CSMD1: variants seen among roughly 807,000 people sequenced by gnomAD.
CSMD1 encodes the protein CUB and sushi domain-containing protein 1.
A neutral mutation model predicts 417.5 loss-of-function variants in CSMD1; 213 were observed. The ratio of observed to expected loss-of-function variants is 0.51; its 90% CI spans 0.46 to 0.57. CSMD1 has a LOEUF of 0.57. Ranked by LOEUF, CSMD1 falls within the 20% of genes least tolerant of loss-of-function variation. The probability of loss-of-function intolerance (pLI) is 0.00; values close to 1 mark genes in which losing one functional copy is unlikely to be tolerated. For synonymous variants in CSMD1, 2,862 were observed against 1,736.8 expected (o/e 1.65, Z -16.11); for missense variants, 6,923 against 4,529.7 (o/e 1.53, Z -15.17).
At chr8:4,652,025 T>C (rs1803927663) in intron 1 of CSMD1, among the ~76,000 whole-genome samples, 2 of 152,226 alleles carry the variant, frequency 1.3e-5, no homozygotes, top group East Asian at 1.9e-4. Flanking sequence ...GTCTCAGCTT[T>C]CCTCTAAGAT....
chr8:3,171,986 C>G (rs1820608796), intron 37 of CSMD1, among the ~76,000 whole-genome samples: 1 of 152,108 alleles, frequency 6.6e-6, no homozygotes, highest in African/African-American at 2.4e-5. Flanking sequence ...GCTAGACTTA[C>G]CTAAATGATA....
intron 3 of CSMD1, among the ~76,000 whole-genome samples, chr8:4,246,479 C>G (rs927852784): frequency 6.6e-6 from 1 of 152,100 alleles, no homozygotes; most frequent in African/African-American, 2.4e-5. Context: ...GGTCTTGTTA[C>G]AGAGATAAGA....
chr8:3,068,704 T>C (rs981204603), intron 49 of CSMD1, among the ~76,000 whole-genome samples: 3 of 151,902 alleles, frequency 2.0e-5, no homozygotes, highest in Non-Finnish European at 2.9e-5. Context: ...CAAGACAGAG[T>C]TGAGGGGGAA....
chr8:4,153,421 TTGCCTG>T lies in CSMD1; in HGVS notation c.416-121328_416-121323del, dbSNP rs1465740633. Among the ~76,000 whole-genome samples the T allele has an allele frequency of 2.6e-5, 4 of 152,222 alleles. No individual in the cohort carries two copies. The East Asian group carries it at 7.7e-4, about 29-fold the overall frequency. ...AGGTTCCCTAGCCTCATTCATGCTG[TTGCCTG>T]TGCCCCGCACTTAGCAGATGAGCCA... On this transcript the variant is annotated intron_variant, in intron 3 of 69. Transcript: ENST00000635120.
At chr8:3,769,553 T>A (rs74931396) in intron 5 of CSMD1, among the ~76,000 whole-genome samples, 7,114 of 151,996 alleles carry the variant, frequency 0.047, 233 homozygotes, top group Middle Eastern at 0.088. Context: ...ACACCTAGTT[T>A]TCTATGTGCT....
intron 21 of CSMD1, among the ~76,000 whole-genome samples, chr8:3,358,212 G>T (rs112335180): frequency 6.6e-6 from 1 of 152,168 alleles, no homozygotes; most frequent in African/African-American, 2.4e-5. Context: ...AGTGTGGTTC[G>T]TATTCTGGAC....
chr8:3,511,865 A>G (rs1233788353), intron 10 of CSMD1, among the ~76,000 whole-genome samples: 3 of 151,724 alleles, frequency 2.0e-5, no homozygotes, highest in Admixed American at 6.6e-5. Flanking sequence ...GTAATATGCA[A>G]TTTATCGCCA....
chr8:3,626,360 G>C (rs1796493429), intron 7 of CSMD1, among the ~76,000 whole-genome samples: 1 of 152,136 alleles, frequency 6.6e-6, no homozygotes, highest in South Asian at 2.1e-4. Context: ...ATTATTCATG[G>C]TCTCCTCACA....
chr8:3,698,265 C>A (rs1800665601), intron 7 of CSMD1, among the ~76,000 whole-genome samples: 1 of 152,136 alleles, frequency 6.6e-6, no homozygotes. Flanking sequence ...ACTTACCTGA[C>A]TGATGAAGCA....
intron 5 of CSMD1, among the ~76,000 whole-genome samples, chr8:3,786,800 A>T (rs1024806985): frequency 5.9e-5 from 9 of 152,312 alleles, no homozygotes; most frequent in Middle Eastern, 3.4e-3. Flanking sequence ...CTCAGGTGGT[A>T]GAGAGAGAAG....
chr8:3,980,634 A>G (rs1448348995), intron 5 of CSMD1, among the ~76,000 whole-genome samples: 1 of 152,184 alleles, frequency 6.6e-6, no homozygotes, highest in East Asian at 1.9e-4. Flanking sequence ...CTTTTTGCTT[A>G]TGGCTTTTCT....
chr8:3,492,037 A>G (rs907256526), intron 11 of CSMD1, among the ~76,000 whole-genome samples: 4 of 152,174 alleles, frequency 2.6e-5, no homozygotes, highest in African/African-American at 9.7e-5. Flanking sequence ...AGGGATGAGG[A>G]AAAGGATTAA....
intron 4 of CSMD1, among the ~76,000 whole-genome samples, chr8:4,022,119 A>AAT (rs10631129): frequency 0.45 from 64,232 of 142,520 alleles, 15,315 homozygotes; most frequent in African/African-American, 0.5. Context: ...ATGGATATAG[A>AAT]ATATATATAT....
intron 5 of CSMD1, among the ~76,000 whole-genome samples, chr8:3,907,692 T>G (rs1210830201): frequency 1.3e-5 from 2 of 152,190 alleles, no homozygotes; most frequent in Non-Finnish European, 2.9e-5. Context: ...GAGAGCAATG[T>G]GGACTTCTGT....
chr8:3,571,089 C>T (rs1480145439), intron 10 of CSMD1, among the ~76,000 whole-genome samples: 3 of 152,178 alleles, frequency 2.0e-5, no homozygotes, highest in Non-Finnish European at 4.4e-5. Context: ...TTTTAAAACT[C>T]TGTAATGGCA....
chr8:4,680,975 T>TGTGTGAGA (rs767579851), intron 1 of CSMD1, among the ~76,000 whole-genome samples: 3 of 136,682 alleles, frequency 2.2e-5, no homozygotes, highest in African/African-American at 5.6e-5. Context: ...TGTGTGTGTG[T>TGTGTGAGA]GAGAGAGAGA....
At chr8:4,351,495 TA>T (rs1374283162) in intron 3 of CSMD1, among the ~76,000 whole-genome samples, 8 of 152,164 alleles carry the variant, frequency 5.3e-5, no homozygotes, top group Admixed American at 2.0e-4. Flanking sequence ...ATTTATAGAT[TA>T]GGAAGAAAAT....
At chr8:2,963,824 T>C (rs1260388380) in intron 59 of CSMD1, among the ~76,000 whole-genome samples, 6 of 152,196 alleles carry the variant, frequency 3.9e-5, no homozygotes, top group Admixed American at 1.3e-4. Context: ...AGATGGCATA[T>C]AGTTTCCAAA....
chr8:3,825,424 G>T (rs1350407148), intron 5 of CSMD1, among the ~76,000 whole-genome samples: 1 of 152,128 alleles, frequency 6.6e-6, no homozygotes, highest in Non-Finnish European at 1.5e-5. Flanking sequence ...AGGTACTTGG[G>T]AGGCTGAGGC....
Sources: allele counts gnomAD v4.1 joint callset (sites outside exome capture counted in the v4.1 genomes callset), GRCh38; gene constraint gnomAD v4.1.1; transcripts MANE v1.5; gene names NCBI Gene and HGNC (gene_info 2026-07-23, HGNC 2026-07-21).